The following SCAI variants were observed in gnomAD, a reference collection of about 807,000 sequenced individuals.
SCAI encodes the protein protein SCAI.
In SCAI, 24 loss-of-function variants were observed where a neutral mutation model predicts 92.2. The ratio of observed to expected loss-of-function variants is 0.26; its 90% CI spans 0.19 to 0.37. The LOEUF (loss-of-function observed/expected upper bound fraction) is 0.37, where lower values mean the gene tolerates loss of function less well. SCAI is among the 10% of genes least tolerant of loss of function. The probability of loss-of-function intolerance (pLI) is 1.00; values close to 1 mark genes in which losing one functional copy is unlikely to be tolerated. For synonymous variants in SCAI, 261 were observed against 258.6 expected (o/e 1.01, Z -0.09); for missense variants, 450 against 736.2 (o/e 0.61, Z 4.50).
intron 2 of SCAI, among the ~76,000 whole-genome samples, chr9:125,121,395 G>A (rs1835153020): frequency 6.6e-6 from 1 of 151,504 alleles, no homozygotes; most frequent in Non-Finnish European, 1.5e-5. Context: ...CTCTGGGGGT[G>A]TCACCAGCAT....
chr9:125,090,387 T>G (rs1834407089), intron 2 of SCAI, among the ~76,000 whole-genome samples: 1 of 140,582 alleles, frequency 7.1e-6, no homozygotes. Flanking sequence ...CATGGAGAGA[T>G]GAGGAAGAGG....
At chr9:125,077,767 G>A (rs1015000305) in intron 2 of SCAI, among the ~76,000 whole-genome samples, 23 of 152,122 alleles carry the variant, frequency 1.5e-4, no homozygotes, top group Admixed American at 7.9e-4. Context: ...CGCCCAGGCC[G>A]GAGTTTAGTG....
At position 124,945,662 on chromosome 9, in the gene SCAI, A is replaced by G. The variant is rs1831134629; in HGVS notation, c.*7145T>C. On this transcript the variant is annotated 3_prime_UTR_variant, in exon 18 of 18. Transcript: ENST00000336505. ...TTATTAAATTAGTTATACTTAATAC[A>G]GTTCTCTTTATCCAATTAAAGGCAT... 6.6e-6 allele frequency: 1 copy of G among 152,224 alleles called. No individual in the cohort carries two copies. The highest frequency in any genetic ancestry group is 1.5e-5 in the Non-Finnish European group (1 of 68,036). 9.4% of individuals were successfully genotyped at this position (152,224 alleles called of 1,614,324 possible).
At chr9:125,127,348 G>A (rs1242577695) in intron 2 of SCAI, among the ~76,000 whole-genome samples, 2 of 151,786 alleles carry the variant, frequency 1.3e-5, no homozygotes, top group South Asian at 2.1e-4. Context: ...ATTAATCACT[G>A]AGATTGTATT....
intron 2 of SCAI, among the ~76,000 whole-genome samples, chr9:125,123,731 C>T (rs1345020126): frequency 3.3e-5 from 5 of 152,186 alleles, no homozygotes; most frequent in Non-Finnish European, 1.5e-5. Context: ...GCCGAGATCA[C>T]GCCACTGCAC....
At chr9:125,122,963 T>C (rs561058580) in intron 2 of SCAI, among the ~76,000 whole-genome samples, 1 of 152,228 alleles carries the variant, frequency 6.6e-6, no homozygotes, top group African/African-American at 2.4e-5. Flanking sequence ...TAGATGCATA[T>C]TCCTATTTTA....
chr9:124,991,051 C>T (rs1407345295), intron 14 of SCAI, among the ~76,000 whole-genome samples: 20 of 152,138 alleles, frequency 1.3e-4, no homozygotes, highest in Admixed American at 1.3e-3. Flanking sequence ...GCACGAGTTA[C>T]TTCATAAACA....
chr9:125,108,973 AAAG>A (rs1459342910), intron 2 of SCAI, among the ~76,000 whole-genome samples: 3 of 152,230 alleles, frequency 2.0e-5, no homozygotes, highest in African/African-American at 7.2e-5. Flanking sequence ...GTCTGTGTAG[AAAG>A]AAGTAGACAT....
At chr9:125,048,776 C>T (rs943238406) in intron 3 of SCAI, among the ~76,000 whole-genome samples, 4 of 151,864 alleles carry the variant, frequency 2.6e-5, no homozygotes, top group Admixed American at 6.6e-5. Flanking sequence ...GATGGAGTTT[C>T]GCTCTTGTTG....
intron 17 of SCAI, among the ~76,000 whole-genome samples, chr9:124,957,770 C>T (rs1831351843): frequency 6.6e-6 from 1 of 151,918 alleles, no homozygotes; most frequent in African/African-American, 2.4e-5. Flanking sequence ...CAACCTCCGC[C>T]TCCCGGGATC....
rs115082340 is a variant in SCAI, at chr9:125,078,980, T to C, written c.99-22973A>G. On this transcript the variant is annotated intron_variant, in intron 2 of 17. Transcript: ENST00000336505. Reference sequence around the variant, plus strand: ...CCTGGTAGTTTCCTCTATTTTCGTATATAATAAGCTTGTCTTGCAATTGCT... The same window carrying C: ...CCTGGTAGTTTCCTCTATTTTCGTACATAATAAGCTTGTCTTGCAATTGCT... Among the ~76,000 whole-genome samples, 1,236 of 152,320 alleles carry C rather than the reference T, an allele frequency of 8.1e-3. 22 individuals carry two copies. Among genetic ancestry groups the C allele is most frequent in the African/African-American group, 0.028 (1,157 of 41,554 alleles).
intron 2 of SCAI, among the ~76,000 whole-genome samples, chr9:125,121,982 C>T (rs973575283): frequency 2.0e-5 from 3 of 152,104 alleles, no homozygotes; most frequent in Admixed American, 6.6e-5. Flanking sequence ...GACACCTCTA[C>T]GAAATGTTAT....
chr9:124,983,292 C>G (rs1831924252), intron 14 of SCAI, among the ~76,000 whole-genome samples: 1 of 152,148 alleles, frequency 6.6e-6, no homozygotes, highest in Non-Finnish European at 1.5e-5. Flanking sequence ...AGAGATACAA[C>G]AGTAAACAAA....
At chr9:125,041,744 T>C (rs1833321601) in intron 3 of SCAI, among the ~76,000 whole-genome samples, 1 of 152,154 alleles carries the variant, frequency 6.6e-6, no homozygotes, top group Non-Finnish European at 1.5e-5. Context: ...ATGAACAACA[T>C]TGGCTAACTT....
chr9:124,975,067 C>T (rs1362210954), intron 15 of SCAI, among the ~76,000 whole-genome samples: 3 of 152,120 alleles, frequency 2.0e-5, no homozygotes, highest in African/African-American at 7.2e-5. Flanking sequence ...AAAAGTACTG[C>T]TCAGTAACTG....
intron 2 of SCAI, among the ~76,000 whole-genome samples, chr9:125,099,414 G>T (rs1834632653): frequency 6.6e-6 from 1 of 151,956 alleles, no homozygotes; most frequent in Non-Finnish European, 1.5e-5. Context: ...AGCCCGCCTA[G>T]TAGATGAGAT....
chr9:125,007,974 T>C (rs1219202094), intron 9 of SCAI, among the ~76,000 whole-genome samples: 1 of 151,224 alleles, frequency 6.6e-6, no homozygotes, highest in African/African-American at 2.4e-5. Context: ...GCCTCCGGAG[T>C]AGCTGGGACT....
At chr9:125,010,544 C>A (rs1359443712) in intron 9 of SCAI, among the ~76,000 whole-genome samples, 1 of 152,220 alleles carries the variant, frequency 6.6e-6, no homozygotes, top group African/African-American at 2.4e-5. Flanking sequence ...CGAACTGGGT[C>A]GAGCCTACCA....
chr9:125,078,079 C>T (rs190156303), intron 2 of SCAI, among the ~76,000 whole-genome samples: 6 of 151,980 alleles, frequency 3.9e-5, no homozygotes, highest in African/African-American at 1.4e-4. Context: ...GTTCATTACA[C>T]ATTCTAGATA....
Sources: gnomAD v4.1 joint callset for allele counts (sites outside exome capture counted in the v4.1 genomes callset) on GRCh38, gnomAD v4.1.1 for gene constraint, MANE v1.5 for transcripts, NCBI Gene and HGNC (gene_info 2026-07-23, HGNC 2026-07-21) for gene names.